The following IRF2 variants were observed in gnomAD, a reference collection of about 807,000 sequenced individuals.
IRF2 encodes the protein interferon regulatory factor 2.
A neutral mutation model predicts 40.6 loss-of-function variants in IRF2; 15 were observed. The observed-to-expected ratio is 0.37, with a 90% CI of 0.25 to 0.57. IRF2 has a LOEUF of 0.57. IRF2 is among the 20% of genes least tolerant of loss of function. The pLI is 0.77. For synonymous variants in IRF2, 151 were observed against 165.5 expected, an observed-to-expected ratio of 0.91 and a Z score of 0.67; for missense variants, 317 against 455.7, an observed-to-expected ratio of 0.70 and a Z score of 2.77.
intron 8 of IRF2, among the ~76,000 whole-genome samples, chr4:184,390,407 A>G (rs1287514221): frequency 1.3e-5 from 2 of 152,196 alleles, no homozygotes; most frequent in Non-Finnish European, 2.9e-5. Flanking sequence ...TTTAAGTGGT[A>G]AGAGCATCGG....
chr4:184,461,990 TG>T, intron 1 of IRF2, among the ~76,000 whole-genome samples: 1 of 152,314 alleles, frequency 6.6e-6, no homozygotes, highest in East Asian at 1.9e-4. Flanking sequence ...AGCCTCCGTC[TG>T]CCTTCTAGGG....
chr4:184,455,659 G>A (rs908369254), intron 1 of IRF2, among the ~76,000 whole-genome samples: 3 of 152,062 alleles, frequency 2.0e-5, no homozygotes, highest in African/African-American at 7.2e-5. Context: ...GGCTGAGGAG[G>A]ATAAGGCGGA....
At position 184,429,162 on chromosome 4, in the gene IRF2, C is replaced by G. The variant is rs192024525; in HGVS notation, c.-6-92G>C. The G allele has an allele frequency of 8.4e-5, 73 of 872,752 alleles. No homozygotes were observed. The African/African-American group carries it at 1.1e-3, about 13-fold the overall frequency. 54.1% of individuals were successfully genotyped at this position (872,752 alleles called of 1,614,324 possible). ...CTACACCCCGCCTGACTCTTTCCTT[C>G]TCTCCTTTCCTGGGGCTGGGGACCA... On this transcript the variant is annotated intron_variant, in intron 1 of 8. Transcript: ENST00000393593.
chr4:184,409,503 G>A (rs1736992691), intron 5 of IRF2, among the ~76,000 whole-genome samples: 1 of 152,138 alleles, frequency 6.6e-6, no homozygotes, highest in Non-Finnish European at 1.5e-5. Context: ...CAGCGTAAGG[G>A]CAGGCCCAGA....
intron 1 of IRF2, among the ~76,000 whole-genome samples, chr4:184,452,633 C>T (rs60273004): frequency 0.025 from 3,858 of 151,736 alleles, 208 homozygotes; most frequent in African/African-American, 0.088. Flanking sequence ...TAAGGCAATG[C>T]GGTGGCTCAC....
At chr4:184,412,694 G>A (rs11938605) in intron 5 of IRF2, among the ~76,000 whole-genome samples, 6,854 of 152,060 alleles carry the variant, frequency 0.045, 521 homozygotes, top group African/African-American at 0.16. Context: ...CCTCCTGCCC[G>A]GTCCCAGAAC....
chr4:184,453,509 G>A (rs1159558479), intron 1 of IRF2, among the ~76,000 whole-genome samples: 1 of 152,226 alleles, frequency 6.6e-6, no homozygotes, highest in Non-Finnish European at 1.5e-5. Flanking sequence ...CACTGCCTTT[G>A]CAGTACAGGA....
chr4:184,424,324 C>T (rs1340534519), intron 2 of IRF2, among the ~76,000 whole-genome samples: 1 of 152,164 alleles, frequency 6.6e-6, no homozygotes, highest in Non-Finnish European at 1.5e-5. Context: ...CTCCTTCAAA[C>T]TTATTAAAAG....
intron 1 of IRF2, among the ~76,000 whole-genome samples, chr4:184,462,265 G>A (rs781240583): frequency 3.3e-5 from 5 of 152,220 alleles, no homozygotes; most frequent in Non-Finnish European, 5.9e-5. Flanking sequence ...TTTCGCTGCT[G>A]AAGGTTTGGT....
intron 1 of IRF2, among the ~76,000 whole-genome samples, chr4:184,447,185 G>A (rs1579097879): frequency 6.6e-6 from 1 of 152,022 alleles, no homozygotes; most frequent in Non-Finnish European, 1.5e-5. Context: ...AGATAAGCCT[G>A]GGAAAGGAAA....
chr4:184,449,491 G>A (rs1738636951), intron 1 of IRF2, among the ~76,000 whole-genome samples: 1 of 152,198 alleles, frequency 6.6e-6, no homozygotes, highest in African/African-American at 2.4e-5. Flanking sequence ...AGAGGCCAAC[G>A]CTCAATAAAT....
intron 1 of IRF2, among the ~76,000 whole-genome samples, chr4:184,473,124 G>A (rs949542190): frequency 2.6e-5 from 4 of 152,010 alleles, no homozygotes; most frequent in Non-Finnish European, 4.4e-5. Flanking sequence ...GAGCCCTACC[G>A]GCGAGGCGGA....
intron 3 of IRF2, 114 bp downstream of exon 3, chr4:184,419,355 C>T (rs958995206): frequency 1.3e-6 from 1 of 753,376 alleles, no homozygotes; most frequent in East Asian, 2.4e-5. Context: ...GGACAAGTCA[C>T]AGGTTTTTCA....
chr4:184,466,605 C>T (rs1429604907), intron 1 of IRF2, among the ~76,000 whole-genome samples: 1 of 152,108 alleles, frequency 6.6e-6, no homozygotes, highest in Admixed American at 6.5e-5. Context: ...GAGCTATTAC[C>T]GTATTTCCGT....
intron 6 of IRF2, chr4:184,407,212 A>G (rs1283151252): frequency 2.3e-6 from 3 of 1,289,462 alleles, no homozygotes; most frequent in Non-Finnish European, 3.0e-6. Context: ...CTGTCAGGAC[A>G]ATTCAGCATG....
At chr4:184,417,737 C>A (rs113510103) in intron 5 of IRF2, among the ~76,000 whole-genome samples, 1 of 152,166 alleles carries the variant, frequency 6.6e-6, no homozygotes, top group African/African-American at 2.4e-5. Flanking sequence ...GGGCCTGTGA[C>A]GGAATGTCTG....
chr4:184,473,037 G>A (rs1358814525), intron 1 of IRF2, among the ~76,000 whole-genome samples: 1 of 152,124 alleles, frequency 6.6e-6, no homozygotes, highest in Non-Finnish European at 1.5e-5. Flanking sequence ...CAGCCCCGGC[G>A]GACGCCGGCC....
At chr4:184,418,016 A>G (rs1302759059) in intron 5 of IRF2, 151 bp downstream of exon 5, 2 of 698,176 alleles carry the variant, frequency 2.9e-6, no homozygotes, top group South Asian at 3.4e-5. Context: ...AAGTGGATAC[A>G]TGCTGAAGAG....
chr4:184,472,860 T>C (rs946419987), intron 1 of IRF2, among the ~76,000 whole-genome samples: 1 of 152,222 alleles, frequency 6.6e-6, no homozygotes, highest in African/African-American at 2.4e-5. Flanking sequence ...ACCACGGCTC[T>C]GGCGCCCTGC....
Sources: gnomAD v4.1 joint callset for allele counts (sites outside exome capture counted in the v4.1 genomes callset) on GRCh38, gnomAD v4.1.1 for gene constraint, MANE v1.5 for transcripts, NCBI Gene and HGNC (gene_info 2026-07-23, HGNC 2026-07-21) for gene names.